The following NFASC variants were observed in gnomAD, a reference collection of about 807,000 sequenced individuals.
NFASC encodes neurofascin, also known as neurofascin homolog.
Under a neutral mutation model 147.5 loss-of-function variants are expected in NFASC, and 43 were observed. The observed-to-expected ratio is 0.29, with a 90% CI of 0.23 to 0.38. NFASC has a LOEUF of 0.38. Among genes scored for constraint, NFASC ranks in the 10% least tolerant of loss-of-function variants. NFASC has a pLI of 1.00. For missense variants in NFASC, 1,320 were observed against 1,689.0 expected (o/e 0.78, Z 3.83); for synonymous variants, 622 against 665.5 (o/e 0.93, Z 1.01).
intron 1 of NFASC, chr1:204,870,729 T>A (rs1009993671): frequency 8.8e-7 from 1 of 1,141,066 alleles, no homozygotes; most frequent in Non-Finnish European, 1.1e-6. Context: ...ACAAGTGTAT[T>A]GTGTGGCGTT....
In NFASC at chr1:204,966,472, C is replaced by G. The variant is rs1445962837; in HGVS notation, c.707-1777C>G. Among the ~76,000 whole-genome samples the G allele has an allele frequency of 1.4e-4, 21 of 152,192 alleles. 1 individual carries two copies. The highest frequency in any genetic ancestry group is 1.4e-3 in the Admixed American group (21 of 15,282). On this transcript the variant is annotated intron_variant, in intron 8 of 29. Transcript: ENST00000339876. Reference sequence around the variant, plus strand: ...ACAACAGAGCCTTCTGCCCTAGAATCTCCTTTCCTCATAGTGCCCATGTGT... The same window carrying G: ...ACAACAGAGCCTTCTGCCCTAGAATGTCCTTTCCTCATAGTGCCCATGTGT...
intron 1 of NFASC, among the ~76,000 whole-genome samples, chr1:204,911,946 G>A (rs753700762): frequency 2.5e-4 from 38 of 152,074 alleles, no homozygotes; most frequent in Non-Finnish European, 5.0e-4. Context: ...CCCTGCAGGG[G>A]CTATTAAGTC....
intron 1 of NFASC, among the ~76,000 whole-genome samples, chr1:204,856,382 G>GGTTGTGTGTGT (rs1553378380): frequency 7.2e-6 from 1 of 139,692 alleles, no homozygotes; most frequent in South Asian, 2.4e-4. Flanking sequence ...ATGCAGAACA[G>GGTTGTGTGTGT]GTGTGTGTGT....
chr1:204,905,575 G>A (rs2085665530), intron 1 of NFASC, among the ~76,000 whole-genome samples: 1 of 151,862 alleles, frequency 6.6e-6, no homozygotes, highest in Non-Finnish European at 1.5e-5. Flanking sequence ...CTTGAATCCT[G>A]TTTTCTTTTT....
At chr1:204,871,078 G>A in intron 1 of NFASC, 1 of 1,289,804 alleles carries the variant, frequency 7.8e-7, no homozygotes, top group Non-Finnish European at 1.0e-6. Flanking sequence ...GAGGTAGGAT[G>A]GTCAACTCTG....
chr1:204,844,071 T>C (rs1676279165), intron 1 of NFASC, among the ~76,000 whole-genome samples: 1 of 152,134 alleles, frequency 6.6e-6, no homozygotes, highest in South Asian at 2.1e-4. Context: ...CATTGTGCAA[T>C]GCCAGAGTGC....
At chr1:204,897,060 C>A (rs2083522988) in intron 1 of NFASC, among the ~76,000 whole-genome samples, 1 of 151,622 alleles carries the variant, frequency 6.6e-6, no homozygotes, top group African/African-American at 2.4e-5. Flanking sequence ...TCCCCCCCTT[C>A]CCCCCGACCC....
At chr1:204,874,436 C>T (rs1320098263) in intron 1 of NFASC, among the ~76,000 whole-genome samples, 1 of 152,236 alleles carries the variant, frequency 6.6e-6, no homozygotes, top group African/African-American at 2.4e-5. Context: ...TTCTTCCTCA[C>T]AGCTCAGTAG....
Position 205,009,701 on chromosome 1 carries a change from A to G in NFASC, c.3421+13A>G. 2 of 1,612,940 alleles carry G rather than the reference A, an allele frequency of 1.2e-6. No homozygotes were observed. Among genetic ancestry groups the G allele is most frequent in the Non-Finnish European group, 1.7e-6 (2 of 1,179,540 alleles). ...GGCAAGTACCCAGGTGAGATGTGCAAGAGGCGTGGGCTTGCAGGGTGGGGC... is the reference window on the plus strand; with the variant it reads ...GGCAAGTACCCAGGTGAGATGTGCAGGAGGCGTGGGCTTGCAGGGTGGGGC... On this transcript the variant is annotated intron_variant, in intron 28 of 29. Transcript: ENST00000339876.
chr1:205,018,949 T>C lies in NFASC; in HGVS notation c.*2410T>C, dbSNP rs938205269. On this transcript the variant is annotated 3_prime_UTR_variant, in exon 30 of 30. Transcript: ENST00000339876. Reference sequence around the variant, plus strand: ...AGCCTGCCTCTGCACCTCGTTCCAGTGTCCTGCCAGGCTCTGTACTGTCCT... The same window carrying C: ...AGCCTGCCTCTGCACCTCGTTCCAGCGTCCTGCCAGGCTCTGTACTGTCCT... 3.3e-5 allele frequency: 5 copies of C among 152,256 alleles called. No homozygotes were observed. The highest frequency in any genetic ancestry group is 1.2e-4 in the African/African-American group (5 of 41,458). 9.4% of individuals were successfully genotyped at this position (152,256 alleles called of 1,614,324 possible). A position where few individuals can be genotyped will look rare whatever the true frequency, so the allele number is the denominator to read the frequency against.
At chr1:204,857,373 G>A (rs75213347) in intron 1 of NFASC, among the ~76,000 whole-genome samples, 270 of 152,322 alleles carry the variant, frequency 1.8e-3, no homozygotes, top group African/African-American at 6.2e-3. Flanking sequence ...TCTTAGGTTG[G>A]GAGACTGGAC....
chr1:204,903,063 C>A (rs541363274), intron 1 of NFASC, among the ~76,000 whole-genome samples: 9 of 152,248 alleles, frequency 5.9e-5, no homozygotes, highest in African/African-American at 2.2e-4. Context: ...CTCTGAGGAC[C>A]AGAATTATGT....
In NFASC at chr1:204,906,705, T is replaced by C. The variant is rs567693517; in HGVS notation, c.-199-13927T>C. On this transcript the variant is annotated intron_variant, in intron 1 of 29. Transcript: ENST00000339876. ...TATATGCATTTTTTTTTTTTTGAGA[T>C]GGAGTCTCGCTCTGTTGCCCAGGCT... 1.7e-4 allele frequency among the ~76,000 whole-genome samples: 25 copies of C among 151,372 alleles called. No homozygotes were observed. In the East Asian group the frequency reaches 3.1e-3, roughly 19 times the overall value.
intron 8 of NFASC, among the ~76,000 whole-genome samples, chr1:204,961,617 T>C (rs914007519): frequency 2.0e-5 from 3 of 152,198 alleles, no homozygotes; most frequent in African/African-American, 2.4e-5. Flanking sequence ...ACCACCAACC[T>C]CCTGCAGCTT....
rs780628217 is a variant in NFASC at position 204,973,326 on chromosome 1, C to T, written c.1186C>T (p.Arg396Trp). Residue 396 changes from arginine to tryptophan, a missense_variant, in exon 12 of 30, where the codon CGG becomes TGG. Arg to Trp is a moderately radical substitution (Grantham distance 101). Transcript: ENST00000339876. Reference sequence around the variant, plus strand: ...GGTGGCCGGAGACACCATCATCTTCCGGGACACCCAGATCAGCAGCAGGGC... The same window carrying T: ...GGTGGCCGGAGACACCATCATCTTCTGGGACACCCAGATCAGCAGCAGGGC... ...REVAGDTIIF[R>W]DTQISSRAVY... 2.0e-5 allele frequency: 33 copies of T among 1,614,126 alleles called. No individual in the cohort carries two copies. Among genetic ancestry groups the T allele is most frequent in the Non-Finnish European group, 2.5e-5 (30 of 1,180,054 alleles).
intron 1 of NFASC, among the ~76,000 whole-genome samples, chr1:204,845,989 C>T (rs1377289853): frequency 2.0e-5 from 3 of 152,062 alleles, no homozygotes; most frequent in South Asian, 4.2e-4. Flanking sequence ...ATCCTCAAGC[C>T]CTGATTGCCT....
chr1:204,920,768 T>G lies in NFASC; in HGVS notation c.-91+28T>G, dbSNP rs905876473. ...AAGCAGGACTTGGGCCTGGGGTATG[T>G]GTCATTGGAGGGGTGAGAATGAGGG... On this transcript the variant is annotated intron_variant, in intron 2 of 29. Coordinates refer to ENST00000339876, the MANE Select transcript of NFASC (RefSeq NM_001005388.3). 7 of 1,133,818 alleles carry G rather than the reference T, an allele frequency of 6.2e-6. No individual in the cohort carries two copies. In the Admixed American group the frequency reaches 1.2e-4, roughly 19 times the overall value. 70.2% of individuals were successfully genotyped at this position (1,133,818 alleles called of 1,614,324 possible).
intron 2 of NFASC, among the ~76,000 whole-genome samples, chr1:204,929,241 C>T (rs940166518): frequency 7.2e-5 from 11 of 152,108 alleles, no homozygotes; most frequent in Admixed American, 5.2e-4. Flanking sequence ...TGGTTAAACA[C>T]ACAGCCCCTC....
chr1:204,838,696 G>C (rs1444744034), intron 1 of NFASC, among the ~76,000 whole-genome samples: 1 of 152,142 alleles, frequency 6.6e-6, no homozygotes, highest in South Asian at 2.1e-4. Context: ...ATGTTTGCAG[G>C]CATCTCAGCA....
Sources: allele counts gnomAD v4.1 joint callset (sites outside exome capture counted in the v4.1 genomes callset), GRCh38; gene constraint gnomAD v4.1.1; transcripts MANE v1.5; gene names NCBI Gene and HGNC (gene_info 2026-07-23, HGNC 2026-07-21).